MRTFA: variants seen among roughly 807,000 people sequenced by gnomAD.
MRTFA encodes the protein myocardin-related transcription factor A.
Under a neutral mutation model 83.5 loss-of-function variants are expected in MRTFA, and 20 were observed. That is an observed-to-expected ratio of 0.24 (90% CI 0.17 to 0.35). The LOEUF is 0.35. Among genes scored for constraint, MRTFA ranks in the 10% least tolerant of loss-of-function variants. MRTFA has a pLI of 1.00. For synonymous variants in MRTFA, 659 were observed against 541.2 expected (o/e 1.22, Z -3.02); for missense variants, 1,200 against 1,224.7 (o/e 0.98, Z 0.30).
At chr22:40,492,482 T>C (rs1264791378) in intron 3 of MRTFA, among the ~76,000 whole-genome samples, 1 of 150,314 alleles carries the variant, frequency 6.7e-6, no homozygotes, top group Admixed American at 6.6e-5. Flanking sequence ...GAGGGTTCCC[T>C]TAGAGAAAAT....
At chr22:40,633,381 G>A (rs2056661407) in intron 1 of MRTFA, among the ~76,000 whole-genome samples, 1 of 152,186 alleles carries the variant, frequency 6.6e-6, no homozygotes, top group Non-Finnish European at 1.5e-5. Context: ...TAGTATATGA[G>A]CTTGCCACAG....
intron 3 of MRTFA, among the ~76,000 whole-genome samples, chr22:40,470,977 A>T (rs1315024153): frequency 6.6e-6 from 1 of 151,998 alleles, no homozygotes; most frequent in Non-Finnish European, 1.5e-5. Context: ...AAAAACAAAA[A>T]CAACAGAGAA....
chr22:40,506,736 A>G (rs545114241), intron 3 of MRTFA, among the ~76,000 whole-genome samples: 2 of 152,260 alleles, frequency 1.3e-5, no homozygotes, highest in Admixed American at 6.5e-5. Flanking sequence ...TTTTCTATAT[A>G]CCATGTCTCT....
chr22:40,579,511 T>A (rs1222289832), intron 2 of MRTFA, among the ~76,000 whole-genome samples: 1 of 152,126 alleles, frequency 6.6e-6, no homozygotes, highest in Non-Finnish European at 1.5e-5. Flanking sequence ...ATAAAGAACA[T>A]CTGAAAGAGG....
intron 3 of MRTFA, among the ~76,000 whole-genome samples, chr22:40,517,423 G>A (rs1426418061): frequency 1.3e-5 from 2 of 152,052 alleles, no homozygotes; most frequent in African/African-American, 2.4e-5. Context: ...TACAGGGTCC[G>A]AAAAAGGGCT....
rs749452481 is a variant in MRTFA at position 40,411,911 on chromosome 22, C to CCAAT, written c.2579-8_2579-5dup. ...TCCTTGAAATCTGCTGAAATTTCTG[C>CCAAT]CAATCAATCAAGAGAGTAAATGGAT... is the stretch of plus-strand genomic sequence containing the variant. On this transcript the variant is annotated splice_polypyrimidine_tract_variant and splice_region_variant and intron_variant, in intron 14 of 14. Coordinates refer to ENST00000355630, the MANE Select transcript of MRTFA (RefSeq NM_020831.6). 1.1e-5 allele frequency: 16 copies of CCAAT among 1,481,368 alleles called. No individual in the cohort carries two copies. Among genetic ancestry groups the CCAAT allele is most frequent in the South Asian group, 5.9e-5 (4 of 67,866 alleles). 91.8% of individuals were successfully genotyped at this position (1,481,368 alleles called of 1,614,324 possible).
intron 3 of MRTFA, among the ~76,000 whole-genome samples, chr22:40,500,772 A>G (rs1409005377): frequency 6.6e-6 from 1 of 150,916 alleles, no homozygotes. Context: ...GAACAAAATG[A>G]AAAGTCTCCC....
chr22:40,584,539 C>A (rs1263150727), intron 2 of MRTFA, among the ~76,000 whole-genome samples: 1 of 151,844 alleles, frequency 6.6e-6, no homozygotes, highest in African/African-American at 2.4e-5. Context: ...GAGTTTGAGA[C>A]CAGCTTGACC....
At chr22:40,578,785 T>C (rs2055906022) in intron 2 of MRTFA, among the ~76,000 whole-genome samples, 1 of 151,968 alleles carries the variant, frequency 6.6e-6, no homozygotes, top group Non-Finnish European at 1.5e-5. Flanking sequence ...TAGCTAGGTG[T>C]GGTGGCACAC....
At chr22:40,423,261 A>C (rs2052880087) in intron 9 of MRTFA, among the ~76,000 whole-genome samples, 1 of 152,190 alleles carries the variant, frequency 6.6e-6, no homozygotes, top group African/African-American at 2.4e-5. Context: ...TGTTGAGTGA[A>C]CAAGACATAA....
chr22:40,461,873 C>A (rs757508052), intron 4 of MRTFA, among the ~76,000 whole-genome samples: 118 of 152,272 alleles, frequency 7.7e-4, no homozygotes, highest in Non-Finnish European at 1.3e-3. Context: ...CTAGCCCTGC[C>A]CACCTTACCC....
At chr22:40,573,313 G>A (rs565575321) in intron 2 of MRTFA, among the ~76,000 whole-genome samples, 1 of 152,240 alleles carries the variant, frequency 6.6e-6, no homozygotes, top group South Asian at 2.1e-4. Context: ...GGAGTGCAGT[G>A]GCACTATCTC....
chr22:40,487,169 G>T (rs1487432672), intron 3 of MRTFA, among the ~76,000 whole-genome samples: 1 of 152,154 alleles, frequency 6.6e-6, no homozygotes, highest in Non-Finnish European at 1.5e-5. Context: ...TCACCTCTCA[G>T]TGTATGCAGC....
At chr22:40,518,553 G>C (rs2054801121) in intron 3 of MRTFA, among the ~76,000 whole-genome samples, 1 of 151,958 alleles carries the variant, frequency 6.6e-6, no homozygotes, top group Non-Finnish European at 1.5e-5. Flanking sequence ...CAGCACTTTG[G>C]GAGGCCGAGG....
chr22:40,558,774 T>C (rs563474252), intron 2 of MRTFA, among the ~76,000 whole-genome samples: 1 of 146,554 alleles, frequency 6.8e-6, no homozygotes, highest in South Asian at 2.1e-4. Context: ...TTGGTTTTTG[T>C]TTTTTTTGGG....
At chr22:40,504,012 T>C (rs757017480) in intron 3 of MRTFA, among the ~76,000 whole-genome samples, 2 of 152,204 alleles carry the variant, frequency 1.3e-5, no homozygotes, top group South Asian at 4.1e-4. Flanking sequence ...GTTAAATTTA[T>C]ATAAAATTAA....
At chr22:40,557,629 T>C (rs975331734) in intron 2 of MRTFA, among the ~76,000 whole-genome samples, 3 of 152,008 alleles carry the variant, frequency 2.0e-5, no homozygotes, top group African/African-American at 2.4e-5. Flanking sequence ...TTTTAAATAG[T>C]TTTTAAAAAT....
At chr22:40,629,392 GCCA>G (rs1390383036) in intron 1 of MRTFA, among the ~76,000 whole-genome samples, 3 of 151,434 alleles carry the variant, frequency 2.0e-5, no homozygotes, top group Admixed American at 6.6e-5. Flanking sequence ...GTTGCAGTGA[GCCA>G]AGATCGAACC....
At chr22:40,499,728 T>C (rs1190244480) in intron 3 of MRTFA, among the ~76,000 whole-genome samples, 1 of 152,154 alleles carries the variant, frequency 6.6e-6, no homozygotes, top group East Asian at 1.9e-4. Context: ...TTTAAAGATT[T>C]TGAAGGCATA....
Sources: allele counts gnomAD v4.1 joint callset (sites outside exome capture counted in the v4.1 genomes callset), GRCh38; gene constraint gnomAD v4.1.1; transcripts MANE v1.5; gene names NCBI Gene and HGNC (gene_info 2026-07-23, HGNC 2026-07-21).